LIFR: variants seen among roughly 807,000 people sequenced by gnomAD.
LIFR encodes leukemia inhibitory factor receptor.
LIFR carries 84 observed loss-of-function variants against 122.2 expected under a neutral mutation model. The observed-to-expected ratio is 0.69, with a 90% CI of 0.58 to 0.82. LIFR has a LOEUF of 0.82. Among genes scored for constraint, LIFR ranks in the 40% least tolerant of loss-of-function variants. The pLI is 0.00. For missense variants in LIFR, 1,294 were observed against 1,311.6 expected (o/e 0.99, Z 0.21); for synonymous variants, 422 against 434.7 (o/e 0.97, Z 0.36).
intron 1 of LIFR, among the ~76,000 whole-genome samples, chr5:38,585,799 T>TA (rs1378311964): frequency 6.6e-6 from 1 of 152,086 alleles, no homozygotes; most frequent in Non-Finnish European, 1.5e-5. Context: ...ATAATAATTT[T>TA]AAAAAATATA....
At chr5:38,549,276 C>T (rs1748067513) in intron 1 of LIFR, among the ~76,000 whole-genome samples, 1 of 151,974 alleles carries the variant, frequency 6.6e-6, no homozygotes, top group Non-Finnish European at 1.5e-5. Flanking sequence ...CACACACACA[C>T]ACACACACAC....
At chr5:38,546,447 G>T (rs547617060) in intron 1 of LIFR, among the ~76,000 whole-genome samples, 1 of 152,260 alleles carries the variant, frequency 6.6e-6, no homozygotes, top group East Asian at 1.9e-4. Flanking sequence ...TGAATTATTT[G>T]TCAATATTGC....
chr5:38,586,224 T>C (rs1749743301), intron 1 of LIFR, among the ~76,000 whole-genome samples: 1 of 152,192 alleles, frequency 6.6e-6, no homozygotes. Context: ...ACCCATGACA[T>C]AGCAACATTA....
chr5:38,524,382 C>T lies in LIFR; in HGVS notation c.398-800G>A, dbSNP rs1028559412. Among the ~76,000 whole-genome samples the T allele has an allele frequency of 7.2e-5, 11 of 152,118 alleles. No individual in the cohort carries two copies. The East Asian group carries it at 2.1e-3, about 29-fold the overall frequency. Reference sequence around the variant, plus strand: ...GTTCCTTTATCAGTAGTATGCAACACAGACTGCGGGGGATTGAGACAGGGG... The same window carrying T: ...GTTCCTTTATCAGTAGTATGCAACATAGACTGCGGGGGATTGAGACAGGGG... On this transcript the variant is annotated intron_variant, in intron 4 of 19. Coordinates refer to ENST00000453190, the MANE Select transcript of LIFR (RefSeq NM_001127671.2).
intron 1 of LIFR, among the ~76,000 whole-genome samples, chr5:38,554,214 C>T (rs537389368): frequency 4.5e-4 from 68 of 152,264 alleles, no homozygotes; most frequent in South Asian, 2.5e-3. Context: ...CAAGTTGTTA[C>T]CCAAGGAATA....
intron 1 of LIFR, among the ~76,000 whole-genome samples, chr5:38,593,590 T>C (rs1317473768): frequency 6.6e-6 from 1 of 151,518 alleles, no homozygotes; most frequent in African/African-American, 2.4e-5. Context: ...GATAGACGGG[T>C]GGGTAGATGA....
chr5:38,518,889 C>T (rs1324376672), intron 5 of LIFR, among the ~76,000 whole-genome samples: 2 of 152,178 alleles, frequency 1.3e-5, no homozygotes, highest in African/African-American at 4.8e-5. Flanking sequence ...GACTGTTATA[C>T]TGATGATCCT....
chr5:38,528,851 C>CACACGGAG lies in LIFR; in HGVS notation c.143-12_143-11insCTCCGTGT. ...AATCATGAGGAGCCCCTGGAGGAGA[C>CACACGGAG]ACACACACACACACACACACACACA... is the stretch of plus-strand genomic sequence containing the variant. On this transcript the variant is annotated splice_polypyrimidine_tract_variant and intron_variant, in intron 2 of 19. Transcript: ENST00000453190. The CACACGGAG allele has an allele frequency of 4.5e-6, 1 of 221,628 alleles. No homozygotes were observed. The highest frequency in any genetic ancestry group is 6.7e-5 in the Admixed American group (1 of 14,900). The allele number at this position is 221,628 out of a possible 1,614,324, so 13.7% of individuals were successfully genotyped here. A position where few individuals can be genotyped will look rare whatever the true frequency, so the allele number is the denominator to read the frequency against.
chr5:38,493,887 G>A (rs538824556), intron 13 of LIFR, 102 bp from the exon 14 acceptor site: 37 of 927,154 alleles, frequency 4.0e-5, no homozygotes, highest in Middle Eastern at 5.0e-4. Flanking sequence ...TCATTGTGAA[G>A]AAATTATAAA....
At chr5:38,556,754 G>A (rs1327926766), upstream of LIFR, 6 of 135,476 alleles carry the variant, frequency 4.4e-5, no homozygotes, top group East Asian at 1.5e-3. Context: ...CCCAACCCGC[G>A]CGCCCCCGCC....
intron 5 of LIFR, among the ~76,000 whole-genome samples, chr5:38,519,200 T>C (rs1231006926): frequency 1.3e-5 from 2 of 152,242 alleles, no homozygotes; most frequent in Non-Finnish European, 2.9e-5. Flanking sequence ...AATTGTACCA[T>C]GTAGACTACA....
chr5:38,487,654 A>T (rs1176418771), intron 16 of LIFR, among the ~76,000 whole-genome samples: 1 of 152,170 alleles, frequency 6.6e-6, no homozygotes, highest in African/African-American at 2.4e-5. Context: ...TCTCTTTCTT[A>T]AAGTATCTTA....
intron 2 of LIFR, among the ~76,000 whole-genome samples, chr5:38,605,688 T>C (rs1401546687): frequency 6.6e-6 from 1 of 152,184 alleles, no homozygotes; most frequent in Admixed American, 6.5e-5. Context: ...AAATTCCCTG[T>C]GGACAAAGGA....
intron 1 of LIFR, among the ~76,000 whole-genome samples, chr5:38,566,587 C>T (rs866146463): frequency 6.6e-6 from 1 of 152,138 alleles, no homozygotes; most frequent in African/African-American, 2.4e-5. Context: ...GGTTGGATAA[C>T]ACTGAGTTAA....
Position 38,478,782 on chromosome 5 carries a change from T to C in LIFR, c.*2813A>G, listed in dbSNP as rs1382448557. 4.6e-6 allele frequency: 1 copy of C among 218,464 alleles called. No individual in the cohort carries two copies. The highest frequency in any genetic ancestry group is 9.2e-6 in the Non-Finnish European group (1 of 108,504). The allele number at this position is 218,464 out of a possible 1,614,324, so 13.5% of individuals were successfully genotyped here. ...ATGAATTACTATCCCACAGATATGATGGAACATAATGCTAGTTTGACAATT... is the reference window on the plus strand; with the variant it reads ...ATGAATTACTATCCCACAGATATGACGGAACATAATGCTAGTTTGACAATT... On this transcript the variant is annotated 3_prime_UTR_variant, in exon 20 of 20. Coordinates refer to ENST00000453190, the MANE Select transcript of LIFR (RefSeq NM_001127671.2).
exon 1 of LIFR, chr5:38,608,269 A>G (rs1262518404): frequency 6.6e-6 from 1 of 152,114 alleles, no homozygotes; most frequent in Non-Finnish European, 1.5e-5. Context: ...TTTCCTGCTT[A>G]TCTCCAAGCT....
upstream of LIFR, among the ~76,000 whole-genome samples, chr5:38,596,503 A>C (rs1750102214): frequency 6.6e-6 from 1 of 152,026 alleles, no homozygotes; most frequent in South Asian, 2.1e-4. Flanking sequence ...GGGCTTGAGA[A>C]GTTACATTTC....
chr5:38,588,722 T>C (rs1749827188), intron 1 of LIFR, among the ~76,000 whole-genome samples: 1 of 152,234 alleles, frequency 6.6e-6, no homozygotes, highest in Admixed American at 6.5e-5. Flanking sequence ...ATCTCAGATA[T>C]TGTCCTTACA....
At chr5:38,486,827 C>T (rs937973632) in intron 16 of LIFR, among the ~76,000 whole-genome samples, 3 of 152,184 alleles carry the variant, frequency 2.0e-5, no homozygotes, top group Non-Finnish European at 4.4e-5. Context: ...CCCACCACAT[C>T]ATTCGTATAG....
Sources: allele counts gnomAD v4.1 joint callset (sites outside exome capture counted in the v4.1 genomes callset), GRCh38; gene constraint gnomAD v4.1.1; transcripts MANE v1.5; gene names NCBI Gene and HGNC (gene_info 2026-07-23, HGNC 2026-07-21).